Variants in ENTR1 observed in about 807,000 individuals in gnomAD.
ENTR1 encodes endosome associated trafficking regulator 1, also known as endosome-associated-trafficking regulator 1.
A neutral mutation model predicts 47.9 loss-of-function variants in ENTR1; 47 were observed. The ratio of observed to expected loss-of-function variants is 0.98; its 90% confidence interval spans 0.78 to 1.25. The LOEUF is 1.25. Ranked by LOEUF, ENTR1 falls within the 50% of genes most tolerant of loss-of-function variation. The pLI is 0.00. For missense variants in ENTR1, 668 were observed against 570.5 expected, an observed-to-expected ratio of 1.17 and a Z score of -1.74; for synonymous variants, 290 against 245.8, an observed-to-expected ratio of 1.18 and a Z score of -1.68.
At chr9:136,408,040 C>G (rs1014704164) in intron 3 of ENTR1, 102 bp from the exon 4 acceptor site, 1 of 716,768 alleles carries the variant, frequency 1.4e-6, no homozygotes. Context: ...CATGTGAGAT[C>G]GGGCAGCCAC....
intron 9 of ENTR1, 97 bp downstream of exon 9, chr9:136,403,958 G>C: frequency 7.2e-7 from 1 of 1,388,324 alleles, no homozygotes; most frequent in Non-Finnish European, 9.7e-7. Flanking sequence ...CTCCAGCCAC[G>C]GTGCCATCAG....
rs1447315371 is a variant in ENTR1 at position 136,404,634 on chromosome 9, G to A, written c.1065C>T (p.Leu355=). The change falls in exon 8 of 10, where the codon CTC becomes CTT. Residue 355 remains leucine, a synonymous_variant. Transcript: ENST00000357365. ...VVKLKQEISL[L]QAQVSNFQRE... is the part of the protein sequence containing the mutation. Reference sequence around the variant, plus strand: ...TGAAGTCCCTTCCTTTAATTACCTGGAGCAAACTGATTTCCTGTTTTAGTT... The same window carrying A: ...TGAAGTCCCTTCCTTTAATTACCTGAAGCAAACTGATTTCCTGTTTTAGTT... 1.2e-6 allele frequency: 2 copies of A among 1,613,940 alleles called. No homozygotes were observed. Among genetic ancestry groups the A allele is most frequent in the Non-Finnish European group, 1.7e-6 (2 of 1,179,934 alleles).
At chr9:136,404,314 C>T in intron 8 of ENTR1, 120 bp from the exon 9 acceptor site, 1 of 1,370,606 alleles carries the variant, frequency 7.3e-7, no homozygotes, top group South Asian at 1.4e-5. Flanking sequence ...ATGCTCTGGC[C>T]TAACTGGGGG....
chr9:136,408,770 T>C (rs1294102359), intron 3 of ENTR1, among the ~76,000 whole-genome samples: 1 of 152,174 alleles, frequency 6.6e-6, no homozygotes, highest in Non-Finnish European at 1.5e-5. Flanking sequence ...GTGAGCCCCA[T>C]GTAAAGCTGG....
chr9:136,406,391 C>T (rs573598339), intron 5 of ENTR1, among the ~76,000 whole-genome samples: 21 of 152,088 alleles, frequency 1.4e-4, no homozygotes, highest in Middle Eastern at 3.4e-3. Context: ...ATCACTTGAA[C>T]TCGGGAGGCG....
chr9:136,402,720 C>T lies in ENTR1; in HGVS notation c.*68G>A, dbSNP rs1834542140. 3 of 1,053,650 alleles carry T rather than the reference C, an allele frequency of 2.8e-6. No homozygotes were observed. The highest frequency in any genetic ancestry group is 4.4e-6 in the Non-Finnish European group (3 of 679,884). 65.3% of individuals were successfully genotyped at this position (1,053,650 alleles called of 1,614,324 possible). A position where few individuals can be genotyped will look rare whatever the true frequency, so the allele number is the denominator to read the frequency against. The stretch of plus-strand genomic sequence containing the variant: ...CTGCATATTTAAGGACACAACTGCA[C>T]ATTTAGATCGAGCGGTGGTGACCTC... On this transcript the variant is annotated 3_prime_UTR_variant, in exon 10 of 10. Transcript: ENST00000357365.
At chr9:136,405,028 A>G (rs1277323230) in intron 7 of ENTR1, 63 bp downstream of exon 7, 3 of 1,307,958 alleles carry the variant, frequency 2.3e-6, no homozygotes, top group Non-Finnish European at 3.3e-6. Context: ...TGAGGACAAC[A>G]GCACTTTCTC....
At chr9:136,405,418 G>A in intron 6 of ENTR1, 1 of 535,982 alleles carries the variant, frequency 1.9e-6, no homozygotes, top group South Asian at 2.1e-5. Flanking sequence ...CCAACAAGGT[G>A]TTTGGTGGCT....
chr9:136,404,752 G>A (rs556812059), intron 7 of ENTR1, 59 bp from the exon 8 acceptor site: 56 of 1,576,914 alleles, frequency 3.6e-5, no homozygotes, highest in Middle Eastern at 3.3e-4. Flanking sequence ...CATTCATACC[G>A]GACACGGGCC....
Position 136,405,114 on chromosome 9 carries a change from C to A in ENTR1, c.982G>T (p.Glu328Ter), listed in dbSNP as rs1274892443. The A allele has an allele frequency of 1.2e-6, 2 of 1,613,510 alleles. No homozygotes were observed. Among genetic ancestry groups the A allele is most frequent in the Non-Finnish European group, 1.7e-6 (2 of 1,179,608 alleles). Residue 328 changes from glutamate to a stop codon, truncating the protein, a stop_gained, in exon 7 of 10, where the codon GAG (glutamate) becomes TAG (stop). Coordinates refer to ENST00000357365, the MANE Select transcript of ENTR1 (RefSeq NM_001039707.2). LOFTEE classifies it high-confidence loss of function. ...HDLESVVQQV[E>*]QNLELMTKRA... Reference sequence around the variant, plus strand: ...ACGGTCATCAGCTCCAGGTTCTGCTCCACCTGCTGAACCACCGACTCCAGG... The same window carrying A: ...ACGGTCATCAGCTCCAGGTTCTGCTACACCTGCTGAACCACCGACTCCAGG...
chr9:136,407,345 GCGA>G lies in ENTR1; in HGVS notation c.616_618del (p.Ser206del). On this transcript the variant is annotated inframe_deletion, in exon 5 of 10. Transcript: ENST00000357365. ...AAAAAGGAAAGGTATGTGCTGCAGGGCGACGTGCCGGCAGGGACCCTCTCGGGG... is the reference window on the plus strand; with the variant it reads ...AAAAAGGAAAGGTATGTGCTGCAGGGCGTGCCGGCAGGGACCCTCTCGGGG... The G allele has an allele frequency of 6.2e-7, 1 of 1,607,994 alleles. No individual in the cohort carries two copies. The highest frequency in any genetic ancestry group is 8.5e-7 in the Non-Finnish European group (1 of 1,178,094).
Position 136,407,291 on chromosome 9 carries a change from C to G in ENTR1, c.673G>C (p.Glu225Gln), listed in dbSNP as rs756070413. ...CTCAACGCCCACGAGGGCAGAGACT[C>G]AGGCCCTGCCAGCTCCGACGGGGTG... ...FSTPSELAGP[E>Q]SLPSWALSDT... is the part of the protein sequence containing the mutation. Residue 225 changes from glutamate to glutamine, a missense_variant, in exon 5 of 10, where the codon GAG (glutamate) becomes CAG (glutamine). Coordinates refer to ENST00000357365, the MANE Select transcript of ENTR1 (RefSeq NM_001039707.2). 6.2e-7 allele frequency: 1 copy of G among 1,612,578 alleles called. No individual in the cohort carries two copies. Among genetic ancestry groups the G allele is most frequent in the South Asian group, 1.1e-5 (1 of 91,020 alleles).
chr9:136,402,623 T>C lies in ENTR1; in HGVS notation c.*165A>G, dbSNP rs1355650537. 5 of 520,838 alleles carry C rather than the reference T, an allele frequency of 9.6e-6. No individual in the cohort carries two copies. Among genetic ancestry groups the C allele is most frequent in the African/African-American group, 3.9e-5 (2 of 51,078 alleles). The allele number at this position is 520,838 out of a possible 1,614,324, so 32.3% of individuals were successfully genotyped here. ...GACAACTCGGCCAGGGCTGCTCCCA[T>C]TGTGGTGGCCAAGAACTGGCTGAGG... On this transcript the variant is annotated 3_prime_UTR_variant, in exon 10 of 10. Coordinates refer to ENST00000357365, the MANE Select transcript of ENTR1 (RefSeq NM_001039707.2).
Position 136,407,331 on chromosome 9 carries a change from GTA to G in ENTR1, c.631_632del (p.Tyr211ProfsTer14). The G allele has an allele frequency of 6.2e-7, 1 of 1,610,290 alleles. No homozygotes were observed. Among genetic ancestry groups the G allele is most frequent in the Non-Finnish European group, 8.5e-7 (1 of 1,178,998 alleles). ...CCGACGGGGTGGAGAAAAAGGAAAG[GTA>G]TGTGCTGCAGGGCGACGTGCCGGCA... ...VPAGTSPCST[Y>X]LSFFSTPSEL... is the part of the protein sequence containing the mutation. On this transcript the variant is annotated frameshift_variant, in exon 5 of 10. Transcript: ENST00000357365. LOFTEE classifies it high-confidence loss of function.
intron 7 of ENTR1, 180 bp downstream of exon 7, chr9:136,404,911 C>A: frequency 1.5e-6 from 1 of 666,588 alleles, no homozygotes. Flanking sequence ...CCCACGGATG[C>A]CCTCGTGGGC....
intron 5 of ENTR1, 53 bp downstream of exon 5, chr9:136,407,092 G>C (rs1834799902): frequency 1.3e-6 from 2 of 1,519,524 alleles, no homozygotes; most frequent in South Asian, 1.3e-5. Flanking sequence ...TTCTCCCCGG[G>C]AGAAGCCGCT....
At chr9:136,410,008 G>A in intron 2 of ENTR1, 82 bp downstream of exon 2, 1 of 1,532,872 alleles carries the variant, frequency 6.5e-7, no homozygotes, top group Non-Finnish European at 9.0e-7. Flanking sequence ...TGGGTCAATG[G>A]ACGAGCTCGT....
chr9:136,409,606 CGG>C (rs977227084), intron 2 of ENTR1, among the ~76,000 whole-genome samples: 2 of 152,136 alleles, frequency 1.3e-5, no homozygotes, highest in African/African-American at 4.8e-5. Context: ...GAAGCCCAGC[CGG>C]GGCAAGCGCG....
chr9:136,408,791 C>T (rs943058997), intron 3 of ENTR1, among the ~76,000 whole-genome samples: 3 of 152,198 alleles, frequency 2.0e-5, no homozygotes, highest in African/African-American at 7.2e-5. Flanking sequence ...CTCCTGTGGC[C>T]CCAGCCCCCC....
Sources: gnomAD v4.1 joint callset for allele counts (sites outside exome capture counted in the v4.1 genomes callset) on GRCh38, gnomAD v4.1.1 for gene constraint, MANE v1.5 for transcripts, NCBI Gene and HGNC (gene_info 2026-07-23, HGNC 2026-07-21) for gene names.